The following PGAP1 variants were observed in gnomAD, a reference collection of about 807,000 sequenced individuals.
PGAP1 encodes the protein GPI inositol-deacylase.
Under a neutral mutation model 127.0 loss-of-function variants are expected in PGAP1, and 76 were observed. That is an observed-to-expected ratio of 0.60 (90% CI 0.50 to 0.72). PGAP1 has a LOEUF of 0.72. Among genes scored for constraint, PGAP1 ranks in the 30% least tolerant of loss-of-function variants. The probability of loss-of-function intolerance (pLI) is 0.00; values close to 1 mark genes in which losing one functional copy is unlikely to be tolerated. For synonymous variants in PGAP1, 362 were observed against 366.5 expected, an observed-to-expected ratio of 0.99 and a Z score of 0.14; for missense variants, 982 against 1,071.3, an observed-to-expected ratio of 0.92 and a Z score of 1.16.
chr2:196,887,691 A>G (rs1312081032), intron 10 of PGAP1, among the ~76,000 whole-genome samples: 1 of 152,250 alleles, frequency 6.6e-6, no homozygotes, highest in Non-Finnish European at 1.5e-5. Context: ...AGGCAGACAT[A>G]GTCTCTGCTC....
intron 18 of PGAP1, among the ~76,000 whole-genome samples, chr2:196,871,629 G>A (rs1271061991): frequency 6.6e-6 from 1 of 152,096 alleles, no homozygotes; most frequent in African/African-American, 2.4e-5. Flanking sequence ...AGATATCAAA[G>A]CAATAATAAA....
chr2:196,917,157 G>A (rs891505691), intron 2 of PGAP1, among the ~76,000 whole-genome samples: 1 of 151,974 alleles, frequency 6.6e-6, no homozygotes, highest in Non-Finnish European at 1.5e-5. Flanking sequence ...ACTCTAACAG[G>A]TTCTTTACTG....
intron 20 of PGAP1, among the ~76,000 whole-genome samples, chr2:196,853,336 A>G (rs1028421964): frequency 7.2e-5 from 11 of 152,364 alleles, no homozygotes; most frequent in African/African-American, 2.4e-4. Flanking sequence ...TTCCTCTTGG[A>G]TAACTTGATT....
chr2:196,845,804 A>C, intron 23 of PGAP1, 78 bp downstream of exon 23: 1 of 1,274,056 alleles, frequency 7.8e-7, no homozygotes, highest in African/African-American at 1.5e-5. Context: ...AATTTTTGTT[A>C]ACAATGCCTA....
chr2:196,922,103 C>T, intron 1 of PGAP1: 1 of 1,240,502 alleles, frequency 8.1e-7, no homozygotes. Context: ...GATCAATTAC[C>T]TTTGTATTTA....
At chr2:196,918,958 T>C (rs1703097506) in intron 2 of PGAP1, among the ~76,000 whole-genome samples, 1 of 152,220 alleles carries the variant, frequency 6.6e-6, no homozygotes, top group South Asian at 2.1e-4. Context: ...TTCCACAGCT[T>C]ATATGATATG....
At position 196,860,313 on chromosome 2, in the gene PGAP1, T is replaced by C. The variant is rs147682871; in HGVS notation, c.1861+4674A>G. On this transcript the variant is annotated intron_variant, in intron 20 of 26. Transcript: ENST00000354764. ...TTGGGAGGCTGCAGCAGGTGGATCA[T>C]TTGAGGTCAGGAGTTTGAGACCAGC... 6.5e-3 allele frequency among the ~76,000 whole-genome samples: 987 copies of C among 152,066 alleles called. 6 individuals carry two copies. Among genetic ancestry groups the C allele is most frequent in the African/African-American group, 0.023 (934 of 41,502 alleles).
At chr2:196,884,306 G>T (rs1186168381) in intron 12 of PGAP1, among the ~76,000 whole-genome samples, 1 of 152,186 alleles carries the variant, frequency 6.6e-6, no homozygotes, top group Non-Finnish European at 1.5e-5. Context: ...TGAGTGTGCA[G>T]TAAGTATATC....
chr2:196,913,187 T>C (rs1297512236), intron 3 of PGAP1, 134 bp from the exon 4 acceptor site: 3 of 760,222 alleles, frequency 3.9e-6, no homozygotes, highest in Non-Finnish European at 6.2e-6. Context: ...CATCATAAGG[T>C]ACAGAAATAC....
Position 196,926,485 on chromosome 2 carries a change from C to T in PGAP1, c.132G>A (p.Glu44=). The stretch of plus-strand genomic sequence containing the variant: ...AGAACCTTACCTGATACTCCGGGTA[C>T]TCAAACATGTAGCTCATACTGCACT... The part of the protein sequence containing the change: ...ENKCSMSYMF[E]YPEYQKIELP... The change falls in exon 1 of 27, where the codon GAG becomes GAA. Residue 44 remains glutamate (E), a synonymous_variant. Transcript: ENST00000354764. 1 of 1,613,404 alleles carries T rather than the reference C, an allele frequency of 6.2e-7. No homozygotes were observed. The highest frequency in any genetic ancestry group is 8.5e-7 in the Non-Finnish European group (1 of 1,179,554).
At chr2:196,847,460 T>A in intron 21 of PGAP1, 1 of 173,752 alleles carries the variant, frequency 5.8e-6, no homozygotes, top group Non-Finnish European at 1.2e-5. Flanking sequence ...AATATGTTCT[T>A]TTTTTTTTTT....
At chr2:196,846,257 A>T (rs915117388) in intron 22 of PGAP1, among the ~76,000 whole-genome samples, 1 of 152,150 alleles carries the variant, frequency 6.6e-6, no homozygotes, top group Non-Finnish European at 1.5e-5. Context: ...TACTTGTACT[A>T]CAGGTGAAAA....
At chr2:196,842,946 C>CTACTTT (rs1459509548) in intron 25 of PGAP1, 121 bp from the exon 26 acceptor site, 10 of 403,936 alleles carry the variant, frequency 2.5e-5, no homozygotes, top group Admixed American at 4.4e-5. Flanking sequence ...TAAGAGAGCT[C>CTACTTT]TAAATAGTTC....
intron 12 of PGAP1, among the ~76,000 whole-genome samples, chr2:196,881,848 G>T (rs1701743845): frequency 1.3e-5 from 2 of 152,092 alleles, no homozygotes; most frequent in Admixed American, 1.3e-4. Context: ...TTCCTTTGCT[G>T]TGCAGAAACT....
At position 196,873,858 on chromosome 2, in the gene PGAP1, ATTT is replaced by A. The variant is rs1432731493; in HGVS notation, c.1427-103_1427-101del. The A allele has an allele frequency of 2.6e-5, 21 of 797,938 alleles. No homozygotes were observed. In the Admixed American group the frequency reaches 4.7e-4, roughly 18 times the overall value. 49.4% of individuals were successfully genotyped at this position (797,938 alleles called of 1,614,324 possible). On this transcript the variant is annotated intron_variant, in intron 14 of 26. Coordinates refer to ENST00000354764, the MANE Select transcript of PGAP1 (RefSeq NM_024989.4). ...ATTAAGACAATGCCAATAATTAAAA[ATTT>A]ATTTACAGGTTTTCACTTCTGTATG... is the stretch of plus-strand genomic sequence containing the variant.
At chr2:196,873,211 G>T (rs1294291582) in intron 16 of PGAP1, among the ~76,000 whole-genome samples, 185 bp from the exon 17 acceptor site, 2 of 151,574 alleles carry the variant, frequency 1.3e-5, no homozygotes, top group African/African-American at 4.8e-5. Context: ...ATTTATAATA[G>T]ATATTACAGC....
At position 196,872,423 on chromosome 2, in the gene PGAP1, A is replaced by G. The variant is rs755392021; in HGVS notation, c.1728+18T>C. The G allele has an allele frequency of 4.6e-6, 7 of 1,512,260 alleles. No individual in the cohort carries two copies. The highest frequency in any genetic ancestry group is 6.4e-6 in the Non-Finnish European group (7 of 1,091,634). 93.7% of individuals were successfully genotyped at this position (1,512,260 alleles called of 1,614,324 possible). On this transcript the variant is annotated intron_variant, in intron 18 of 26. Transcript: ENST00000354764. ...TTCTACAACTAAATCTTAAAAATTA[A>G]TCAAACATACAACTTACCTCGTACC...
At chr2:196,901,165 T>C (rs1175170962) in intron 5 of PGAP1, among the ~76,000 whole-genome samples, 2 of 152,220 alleles carry the variant, frequency 1.3e-5, no homozygotes, top group Non-Finnish European at 2.9e-5. Context: ...CACTTAGTCT[T>C]TTGAGGACTT....
Position 196,841,032 on chromosome 2 carries a change from C to G in PGAP1, c.*202G>C. On this transcript the variant is annotated 3_prime_UTR_variant, in exon 27 of 27. Transcript: ENST00000354764. ...ATGAATTTTTCAAAAATGATTACTA[C>G]ATGGATTCCACACCACAAAACAAAA... 1.8e-6 allele frequency: 1 copy of G among 559,190 alleles called. No individual in the cohort carries two copies. Among genetic ancestry groups the G allele is most frequent in the South Asian group, 3.1e-5 (1 of 32,678 alleles). The allele number at this position is 559,190 out of a possible 1,614,324, so 34.6% of individuals were successfully genotyped here.
Sources: allele counts gnomAD v4.1 joint callset (sites outside exome capture counted in the v4.1 genomes callset), GRCh38; gene constraint gnomAD v4.1.1; transcripts MANE v1.5; gene names NCBI Gene and HGNC (gene_info 2026-07-23, HGNC 2026-07-21).